The following GPR158 variants were observed in gnomAD, a reference collection of about 807,000 sequenced individuals.
GPR158 encodes the protein G protein-coupled receptor 158, also known as metabotropic glycine receptor.
GPR158 carries 30 observed loss-of-function variants against 78.2 expected under a neutral mutation model. The ratio of observed to expected loss-of-function variants is 0.38; its 90% confidence interval spans 0.29 to 0.52. The LOEUF (loss-of-function observed/expected upper bound fraction) is 0.52. Among genes scored for constraint, GPR158 ranks in the 20% least tolerant of loss-of-function variants. The pLI is 0.83. For synonymous variants in GPR158, 581 were observed against 591.1 expected (o/e 0.98, Z 0.25); for missense variants, 1,463 against 1,523.5 (o/e 0.96, Z 0.66).
chr10:25,424,160 G>T (rs1428363782), intron 4 of GPR158, among the ~76,000 whole-genome samples: 2 of 152,070 alleles, frequency 1.3e-5, no homozygotes, highest in African/African-American at 4.8e-5. Flanking sequence ...TCATGTGTCT[G>T]TTGGCTGCAT....
chr10:25,226,472 T>C (rs920012855), intron 2 of GPR158, among the ~76,000 whole-genome samples: 19 of 152,252 alleles, frequency 1.2e-4, no homozygotes, highest in African/African-American at 4.6e-4. Flanking sequence ...TTTTGGCTTA[T>C]GCAATCTTCT....
intron 1 of GPR158, among the ~76,000 whole-genome samples, chr10:25,219,750 C>T (rs1853272549): frequency 6.6e-6 from 1 of 152,142 alleles, no homozygotes. Context: ...TTAAGCCATG[C>T]TGTTAGAATG....
chr10:25,375,661 C>T (rs140817763), intron 2 of GPR158, among the ~76,000 whole-genome samples: 10 of 151,350 alleles, frequency 6.6e-5, no homozygotes, highest in South Asian at 4.2e-4. Context: ...ATCCTTTTTC[C>T]GCTTAATTGT....
intron 2 of GPR158, among the ~76,000 whole-genome samples, chr10:25,363,203 T>C (rs199937321): frequency 6.6e-6 from 1 of 151,918 alleles, no homozygotes; most frequent in African/African-American, 2.4e-5. Flanking sequence ...ATGTGGCTGG[T>C]TTTTATAGAT....
intron 3 of GPR158, 22 bp downstream of exon 3, chr10:25,396,035 G>GTATA (rs757076266): frequency 3.1e-6 from 3 of 955,250 alleles, no homozygotes; most frequent in Non-Finnish European, 5.1e-6. Flanking sequence ...TTGTTTCTAT[G>GTATA]TATATATATG....
chr10:25,466,827 T>A, intron 5 of GPR158, 108 bp downstream of exon 5: 1 of 530,888 alleles, frequency 1.9e-6, no homozygotes, highest in Non-Finnish European at 3.2e-6. Context: ...CTGGTGTTAC[T>A]AGGAAGTGTG....
intron 4 of GPR158, among the ~76,000 whole-genome samples, chr10:25,444,593 C>T (rs539944934): frequency 4.2e-5 from 6 of 143,564 alleles, no homozygotes; most frequent in African/African-American, 1.3e-4. Context: ...TGGGAGTGTG[C>T]GGGTATGTGT....
intron 6 of GPR158, among the ~76,000 whole-genome samples, chr10:25,568,721 T>C (rs1343246811): frequency 6.6e-6 from 1 of 152,198 alleles, no homozygotes; most frequent in South Asian, 2.1e-4. Flanking sequence ...TTCAGAATGA[T>C]TTCCATGAAT....
intron 2 of GPR158, among the ~76,000 whole-genome samples, chr10:25,368,399 A>T (rs1357812626): frequency 1.3e-4 from 19 of 151,896 alleles, no homozygotes; most frequent in Non-Finnish European, 2.4e-4. Context: ...AAAAAAGCAA[A>T]TAACCTCATT....
At chr10:25,366,674 C>T (rs1488558402) in intron 2 of GPR158, among the ~76,000 whole-genome samples, 13 of 151,538 alleles carry the variant, frequency 8.6e-5, no homozygotes, top group Admixed American at 8.6e-4. Flanking sequence ...GAACTTATTC[C>T]TCCTGTCTAG....
intron 2 of GPR158, among the ~76,000 whole-genome samples, chr10:25,301,615 A>G (rs66810403): frequency 0.2 from 30,737 of 151,916 alleles, 5,249 homozygotes; most frequent in African/African-American, 0.47. Flanking sequence ...GTATTGAAAA[A>G]CTGGAGGGGG....
chr10:25,226,135 T>C (rs573459059), intron 2 of GPR158, among the ~76,000 whole-genome samples: 1 of 152,292 alleles, frequency 6.6e-6, no homozygotes, highest in Non-Finnish European at 1.5e-5. Context: ...AATACTATTG[T>C]TCACCTATCT....
chr10:25,601,457 T>TAAAG lies in GPR158; in HGVS notation c.*2183_*2184insAAAG. Reference sequence around the variant, plus strand: ...CCCACATATTTGTTTCATTTATGTCTGAAATCTGTTAGCACTTGATTCCTT... The same window carrying TAAAG: ...CCCACATATTTGTTTCATTTATGTCTAAAGGAAATCTGTTAGCACTTGATTCCTT... On this transcript the variant is annotated 3_prime_UTR_variant, in exon 11 of 11. Transcript: ENST00000376351. 1.3e-5 allele frequency: 2 copies of TAAAG among 152,640 alleles called. No homozygotes were observed. The highest frequency in any genetic ancestry group is 3.8e-4 in the East Asian group (2 of 5,204). 9.5% of individuals were successfully genotyped at this position (152,640 alleles called of 1,614,324 possible).
chr10:25,458,131 A>C (rs1835314929), intron 4 of GPR158, among the ~76,000 whole-genome samples: 1 of 152,100 alleles, frequency 6.6e-6, no homozygotes, highest in Admixed American at 6.5e-5. Flanking sequence ...TGATAAACTT[A>C]CTCTTCAAAA....
chr10:25,360,746 C>CT lies in GPR158; in HGVS notation c.1009-35158dup, dbSNP rs554543439. On this transcript the variant is annotated intron_variant, in intron 2 of 10. Coordinates refer to ENST00000376351, the MANE Select transcript of GPR158 (RefSeq NM_020752.3). ...CAGGATTGTCTTGGCTATATGGGCT[C>CT]TTTTTTTGTTGCCATATGAAATTTA... is the stretch of plus-strand genomic sequence containing the variant. Among the ~76,000 whole-genome samples, 197 of 152,082 alleles carry CT rather than the reference C, an allele frequency of 1.3e-3. 2 individuals are homozygous for CT. Among genetic ancestry groups the CT allele is most frequent in the South Asian group, 0.013 (61 of 4,814 alleles).
intron 2 of GPR158, among the ~76,000 whole-genome samples, chr10:25,241,193 T>TTTCTTTC (rs1554787152): frequency 5.3e-4 from 54 of 101,624 alleles, no homozygotes; most frequent in East Asian, 1.9e-3. Context: ...TTCTTTCCTT[T>TTTCTTTC]CTTTCTTTCC....
chr10:25,430,115 C>A (rs1270684533), intron 4 of GPR158, among the ~76,000 whole-genome samples: 1 of 149,994 alleles, frequency 6.7e-6, no homozygotes, highest in East Asian at 2.0e-4. Context: ...GAAAACCCCA[C>A]TGTCTCAGCC....
At chr10:25,371,232 G>C (rs1233926508) in intron 2 of GPR158, among the ~76,000 whole-genome samples, 16 of 150,240 alleles carry the variant, frequency 1.1e-4, no homozygotes, top group Non-Finnish European at 1.5e-5. Flanking sequence ...TGGTTATTTT[G>C]CTCATTAGTT....
At chr10:25,259,336 G>C (rs1349722131) in intron 2 of GPR158, among the ~76,000 whole-genome samples, 4 of 152,158 alleles carry the variant, frequency 2.6e-5, no homozygotes, top group Admixed American at 2.6e-4. Context: ...CCAGTGCCTT[G>C]TGTAGATAAT....
Sources: gnomAD v4.1 joint callset for allele counts (sites outside exome capture counted in the v4.1 genomes callset) on GRCh38, gnomAD v4.1.1 for gene constraint, MANE v1.5 for transcripts, NCBI Gene and HGNC (gene_info 2026-07-23, HGNC 2026-07-21) for gene names.